TMCC1: variants seen among roughly 807,000 people sequenced by gnomAD.
TMCC1 encodes the protein transmembrane and coiled-coil domain family 1, also known as transmembrane and coiled-coil domains protein 1.
TMCC1 carries 15 observed loss-of-function variants against 52.4 expected under a neutral mutation model. The ratio of observed to expected loss-of-function variants is 0.29; its 90% CI spans 0.19 to 0.44. TMCC1 has a LOEUF of 0.44. Among genes scored for constraint, TMCC1 ranks in the 20% least tolerant of loss-of-function variants. The pLI is 1.00. For missense variants in TMCC1, 503 were observed against 806.0 expected, an observed-to-expected ratio of 0.62 and a Z score of 4.55; for synonymous variants, 279 against 301.9, an observed-to-expected ratio of 0.92 and a Z score of 0.79.
intron 4 of TMCC1, among the ~76,000 whole-genome samples, chr3:129,749,147 T>C (rs1016298033): frequency 7.0e-6 from 1 of 141,916 alleles, no homozygotes; most frequent in Admixed American, 7.2e-5. Context: ...ATAATAATAA[T>C]TACCCTACTT....
rs183656912 is a variant in TMCC1 at position 129,763,295 on chromosome 3, T to C, written c.576+64508A>G. 5.3e-4 allele frequency among the ~76,000 whole-genome samples: 79 copies of C among 149,598 alleles called. No homozygotes were observed. In the East Asian group the frequency reaches 0.015, roughly 28 times the overall value. ...GTGGAGCTCAGGCCAGTAATTCCTG[T>C]ACTTTGGGGAGCCGAAGGGGACGGA... On this transcript the variant is annotated intron_variant, in intron 4 of 6. Transcript: ENST00000393238.
intron 5 of TMCC1, among the ~76,000 whole-genome samples, chr3:129,657,716 A>C (rs73863688): frequency 0.011 from 1,677 of 152,290 alleles, 20 homozygotes; most frequent in African/African-American, 0.039. Flanking sequence ...TGGGAGAAGG[A>C]GGAGTATAAT....
intron 4 of TMCC1, among the ~76,000 whole-genome samples, chr3:129,694,833 C>T (rs1013396243): frequency 6.6e-6 from 1 of 152,052 alleles, no homozygotes; most frequent in Non-Finnish European, 1.5e-5. Flanking sequence ...TATTCTTTTA[C>T]TTTCCTAATA....
At chr3:129,809,767 A>C (rs1449424402) in intron 4 of TMCC1, among the ~76,000 whole-genome samples, 3 of 152,238 alleles carry the variant, frequency 2.0e-5, no homozygotes, top group Non-Finnish European at 2.9e-5. Flanking sequence ...CTGAACATTA[A>C]TGCATTTTGC....
chr3:129,767,913 A>G (rs2054259121), intron 4 of TMCC1, among the ~76,000 whole-genome samples: 2 of 152,346 alleles, frequency 1.3e-5, no homozygotes, highest in Non-Finnish European at 2.9e-5. Context: ...ATTTCAGGCC[A>G]GGCCCAGAGG....
intron 4 of TMCC1, among the ~76,000 whole-genome samples, chr3:129,767,368 C>G (rs1308651232): frequency 6.6e-6 from 1 of 151,516 alleles, no homozygotes; most frequent in East Asian, 1.9e-4. Context: ...ACCATTACCA[C>G]AGTCAATTTT....
chr3:129,870,633 G>A (rs1388173011), intron 2 of TMCC1, among the ~76,000 whole-genome samples: 4 of 147,712 alleles, frequency 2.7e-5, no homozygotes, highest in African/African-American at 1.0e-4. Context: ...CAGCTACTCA[G>A]GAGGCTGAGG....
intron 4 of TMCC1, among the ~76,000 whole-genome samples, chr3:129,692,847 T>G (rs1178805230): frequency 6.6e-6 from 1 of 152,112 alleles, no homozygotes; most frequent in African/African-American, 2.4e-5. Flanking sequence ...ATTTATTTAT[T>G]TATTTATTTA....
At chr3:129,865,666 G>A (rs1312923636) in intron 2 of TMCC1, among the ~76,000 whole-genome samples, 3 of 152,176 alleles carry the variant, frequency 2.0e-5, no homozygotes, top group Non-Finnish European at 4.4e-5. Flanking sequence ...CAGAATAAAC[G>A]AGTGAATGAG....
At chr3:129,823,691 T>C (rs563340245) in intron 4 of TMCC1, among the ~76,000 whole-genome samples, 3 of 152,208 alleles carry the variant, frequency 2.0e-5, no homozygotes, top group African/African-American at 7.2e-5. Context: ...CAAAACACAA[T>C]CTTGGCCTAT....
At chr3:129,721,626 C>T (rs1024072897) in intron 4 of TMCC1, among the ~76,000 whole-genome samples, 7 of 149,992 alleles carry the variant, frequency 4.7e-5, no homozygotes, top group East Asian at 2.0e-4. Flanking sequence ...TTTGGGAGGC[C>T]GAGGCAGGCA....
chr3:129,827,971 T>C lies in TMCC1; in HGVS notation c.408A>G (p.Gln136=), dbSNP rs114554412. 2,645 of 1,614,148 alleles carry C rather than the reference T, an allele frequency of 1.6e-3. 1 individual carries two copies. The highest frequency in any genetic ancestry group is 2.1e-3 in the Non-Finnish European group (2,478 of 1,180,016). ...TCTCCTGACCAGACTTCCTGTTGAT[T>C]TGGGGACTTCCCTTTGGGGCCTCTG... is the stretch of plus-strand genomic sequence containing the variant. ...GKPEAPKGSP[Q]INRKSGQEMT... Residue 136 remains glutamine, a synonymous_variant, in exon 4 of 7, where the codon CAA becomes CAG. Transcript: ENST00000393238.
chr3:129,687,782 T>C (rs1237312721), intron 4 of TMCC1, among the ~76,000 whole-genome samples: 3 of 152,242 alleles, frequency 2.0e-5, no homozygotes, highest in South Asian at 4.1e-4. Context: ...TCCATACTTA[T>C]GTTCTCAGCC....
intron 4 of TMCC1, among the ~76,000 whole-genome samples, chr3:129,689,460 A>G (rs1249934297): frequency 1.3e-5 from 2 of 152,228 alleles, no homozygotes; most frequent in Admixed American, 6.5e-5. Flanking sequence ...TGTATAAAGT[A>G]TATCTACTAA....
At chr3:129,851,062 T>C (rs1349799093) in intron 2 of TMCC1, among the ~76,000 whole-genome samples, 3 of 152,258 alleles carry the variant, frequency 2.0e-5, no homozygotes, top group Non-Finnish European at 4.4e-5. Context: ...ATTTTGTTTA[T>C]GGCCAGTTTT....
chr3:129,710,186 AAAACAAACAAACAAAC>A lies in TMCC1; in HGVS notation c.577-38938_577-38923del, dbSNP rs148176861. Among the ~76,000 whole-genome samples the A allele has an allele frequency of 5.9e-5, 9 of 151,472 alleles. No individual in the cohort carries two copies. The South Asian group carries it at 8.4e-4, about 14-fold the overall frequency. On this transcript the variant is annotated intron_variant, in intron 4 of 6. Coordinates refer to ENST00000393238, the MANE Select transcript of TMCC1 (RefSeq NM_001017395.5). The stretch of plus-strand genomic sequence containing the variant: ...GGGCGACAGAGCGAGATTCCATCTC[AAAACAAACAAACAAAC>A]AAACAAACAAACAAAAACTGTGTAA...
intron 4 of TMCC1, among the ~76,000 whole-genome samples, chr3:129,692,149 T>C (rs1042876905): frequency 1.3e-5 from 2 of 152,204 alleles, no homozygotes; most frequent in African/African-American, 4.8e-5. Flanking sequence ...TGTTTTTTCA[T>C]GTAGAAAAAA....
chr3:129,668,464 C>A (rs2087650273), intron 5 of TMCC1, among the ~76,000 whole-genome samples: 1 of 152,026 alleles, frequency 6.6e-6, no homozygotes. Context: ...AAGAAACTTG[C>A]CCAGGTTTTC....
At position 129,718,353 on chromosome 3, in the gene TMCC1, T is replaced by C. The variant is rs959246397; in HGVS notation, c.577-47089A>G. On this transcript the variant is annotated intron_variant, in intron 4 of 6. Coordinates refer to ENST00000393238, the MANE Select transcript of TMCC1 (RefSeq NM_001017395.5). The stretch of plus-strand genomic sequence containing the variant: ...CTCCAGTTGCTAGCAGTGAGTGAAG[T>C]ATTGCAAGTATCCACTTAAAGTGCA... Among the ~76,000 whole-genome samples the C allele has an allele frequency of 5.3e-5, 8 of 152,226 alleles. No individual in the cohort carries two copies. The East Asian group carries it at 5.8e-4, about 11-fold the overall frequency.
Sources: gnomAD v4.1 joint callset for allele counts (sites outside exome capture counted in the v4.1 genomes callset) on GRCh38, gnomAD v4.1.1 for gene constraint, MANE v1.5 for transcripts, NCBI Gene and HGNC (gene_info 2026-07-23, HGNC 2026-07-21) for gene names.